SHROOM4: variants seen among roughly 807,000 people sequenced by gnomAD.
SHROOM4 encodes the protein shroom family member 4.
SHROOM4 carries 17 observed loss-of-function variants against 80.3 expected under a neutral mutation model. That is an observed-to-expected ratio of 0.21 (90% CI 0.14 to 0.32). The LOEUF (loss-of-function observed/expected upper bound fraction) is 0.32, where lower values mean the gene tolerates loss of function less well. Among genes scored for constraint, SHROOM4 ranks in the 10% least tolerant of loss-of-function variants. SHROOM4 has a pLI of 1.00. For missense variants in SHROOM4, 993 were observed against 1,140.3 expected, an observed-to-expected ratio of 0.87 and a Z score of 1.86; for synonymous variants, 400 against 437.5, an observed-to-expected ratio of 0.91 and a Z score of 1.07.
At chrX:50,796,093 T>C (rs1444186762) in intron 1 of SHROOM4, among the ~76,000 whole-genome samples, 4 of 111,579 alleles carry the variant, frequency 3.6e-5, no homozygotes, top group African/African-American at 1.3e-4. Context: ...TAGAGTATCA[T>C]AAAGGCAGAT....
At chrX:50,786,703 C>T (rs1441858232) in intron 1 of SHROOM4, among the ~76,000 whole-genome samples, 1 of 111,229 alleles carries the variant, frequency 9.0e-6, no homozygotes, top group African/African-American at 3.3e-5. Context: ...GATAGGTAGC[C>T]ATTTATTTAA....
rs184189894 is a variant in SHROOM4, at chrX:50,678,709, G to T, written c.269+17077C>A. ...TCAGAAGAACATCTTAGAAGATTTT[G>T]TTGAATCTATCTGGGTGCAGAACTT... On this transcript the variant is annotated intron_variant, in intron 2 of 8. Coordinates refer to ENST00000376020, the MANE Select transcript of SHROOM4 (RefSeq NM_020717.5). Among the ~76,000 whole-genome samples, 533 of 111,392 alleles carry T rather than the reference G, an allele frequency of 4.8e-3. 4 individuals carry two copies. Among genetic ancestry groups the T allele is most frequent in the African/African-American group, 0.016 (490 of 30,712 alleles).
At chrX:50,732,601 T>C (rs1288171895) in intron 1 of SHROOM4, among the ~76,000 whole-genome samples, 1 of 111,900 alleles carries the variant, frequency 8.9e-6, no homozygotes, top group African/African-American at 3.2e-5. Context: ...GGAGAATTAC[T>C]ACTGACTTTA....
chrX:50,814,149 C>T lies in SHROOM4; in HGVS notation c.-131G>A, dbSNP rs782249633. 2.5e-3 allele frequency: 1,221 copies of T among 494,067 alleles called. 1 individual carries two copies. The highest frequency in any genetic ancestry group is 2.8e-3 in the Non-Finnish European group (772 of 276,421). 40.7% of individuals were successfully genotyped at this position (494,067 alleles called of 1,213,427 possible). The stretch of plus-strand genomic sequence containing the variant: ...CACCGCCCTGCTCCGCCTACTCTCC[C>T]GGCTGGAGACGCTCAGGCAGCGAGC... On this transcript the variant is annotated 5_prime_UTR_variant, in exon 1 of 9. Coordinates refer to ENST00000376020, the MANE Select transcript of SHROOM4 (RefSeq NM_020717.5).
At chrX:50,645,799 T>C (rs1231324459) in intron 2 of SHROOM4, among the ~76,000 whole-genome samples, 3 of 111,530 alleles carry the variant, frequency 2.7e-5, no homozygotes, top group Admixed American at 1.9e-4. Flanking sequence ...TGACTGCTTC[T>C]TTTCCAAGTA....
At chrX:50,717,896 G>A (rs993947028) in intron 1 of SHROOM4, among the ~76,000 whole-genome samples, 2 of 111,673 alleles carry the variant, frequency 1.8e-5, no homozygotes, top group Non-Finnish European at 3.8e-5. Flanking sequence ...CCCAGTAATA[G>A]AATGGAAATA....
chrX:50,674,236 A>C (rs1557261094), intron 2 of SHROOM4, among the ~76,000 whole-genome samples: 2 of 111,384 alleles, frequency 1.8e-5, no homozygotes, highest in South Asian at 7.5e-4. Context: ...TGATATAGAC[A>C]CAATTGTTCC....
chrX:50,627,819 T>G (rs1930870967), intron 4 of SHROOM4, 144 bp from the exon 5 acceptor site: 1 of 518,653 alleles, frequency 1.9e-6, no homozygotes, highest in East Asian at 3.6e-5. Context: ...GCTGAGAAAT[T>G]TGTACCTGGA....
chrX:50,782,006 C>T (rs6652210), intron 1 of SHROOM4, among the ~76,000 whole-genome samples: 6,197 of 111,165 alleles, frequency 0.056, 441 homozygotes, highest in African/African-American at 0.19. Context: ...GTCAGGAGTT[C>T]GAGACCAGCC....
intron 5 of SHROOM4, among the ~76,000 whole-genome samples, chrX:50,626,223 T>G (rs1557253034): frequency 9.0e-6 from 1 of 111,480 alleles, no homozygotes; most frequent in Non-Finnish European, 1.9e-5. Context: ...ACACCCTGCT[T>G]AGTCTCCTCT....
chrX:50,706,114 T>C (rs1251686666), intron 1 of SHROOM4, among the ~76,000 whole-genome samples: 3 of 110,995 alleles, frequency 2.7e-5, no homozygotes, highest in Non-Finnish European at 1.9e-5. Flanking sequence ...CTATTCTATC[T>C]GTTGAGAACA....
intron 1 of SHROOM4, among the ~76,000 whole-genome samples, chrX:50,765,876 C>T (rs1935263954): frequency 9.0e-6 from 1 of 111,728 alleles, no homozygotes; most frequent in South Asian, 3.8e-4. Flanking sequence ...TTTAAACTAG[C>T]CCTAACCTTT....
At chrX:50,605,427 G>A (rs781943568) in intron 6 of SHROOM4, among the ~76,000 whole-genome samples, 1 of 112,605 alleles carries the variant, frequency 8.9e-6, no homozygotes, top group Admixed American at 9.4e-5. Context: ...GTCACAAGCA[G>A]AGCTGTGTGC....
At chrX:50,661,778 G>GCCA in intron 2 of SHROOM4, among the ~76,000 whole-genome samples, 1 of 111,772 alleles carries the variant, frequency 8.9e-6, no homozygotes, top group East Asian at 2.8e-4. Flanking sequence ...TGGGCATGTT[G>GCCA]GATTGTAATG....
chrX:50,744,220 T>C (rs781803079), intron 1 of SHROOM4, among the ~76,000 whole-genome samples: 1 of 111,724 alleles, frequency 9.0e-6, no homozygotes, highest in African/African-American at 3.2e-5. Context: ...TCTCCCCTTC[T>C]GGTACTCTCA....
intron 1 of SHROOM4, among the ~76,000 whole-genome samples, chrX:50,775,420 T>A (rs976723380): frequency 9.0e-6 from 1 of 111,049 alleles, no homozygotes; most frequent in African/African-American, 3.3e-5. Flanking sequence ...GAGCGAAGAA[T>A]CCTAGGCATG....
intron 1 of SHROOM4, among the ~76,000 whole-genome samples, chrX:50,722,547 C>T (rs951678425): frequency 2.7e-5 from 3 of 110,839 alleles, no homozygotes; most frequent in Non-Finnish European, 5.7e-5. Flanking sequence ...TGGGTAAAGG[C>T]AGCCAGCAAT....
At chrX:50,642,590 G>A (rs1931643036) in intron 2 of SHROOM4, among the ~76,000 whole-genome samples, 1 of 111,595 alleles carries the variant, frequency 9.0e-6, no homozygotes. Context: ...TGAGTAGCTA[G>A]GACTACAGGC....
intron 1 of SHROOM4, among the ~76,000 whole-genome samples, chrX:50,793,664 A>C (rs949276369): frequency 9.4e-6 from 1 of 106,343 alleles, no homozygotes; most frequent in Non-Finnish European, 1.9e-5. Context: ...AAAAACAATA[A>C]AGGGTCATGA....
Sources: allele counts gnomAD v4.1 joint callset (sites outside exome capture counted in the v4.1 genomes callset), GRCh38; gene constraint gnomAD v4.1.1; transcripts MANE v1.5; gene names NCBI Gene and HGNC (gene_info 2026-07-23, HGNC 2026-07-21).